The following TSHZ3 variants were observed in gnomAD, a reference collection of about 807,000 sequenced individuals.
TSHZ3 encodes teashirt homolog 3.
In TSHZ3, 10 loss-of-function variants were observed where a neutral mutation model predicts 64.5. The ratio of observed to expected loss-of-function variants is 0.16; its 90% CI spans 0.10 to 0.26. The LOEUF is 0.26. Among genes scored for constraint, TSHZ3 ranks in the 10% least tolerant of loss-of-function variants. TSHZ3 has a pLI of 1.00. For missense variants in TSHZ3, 1,242 were observed against 1,421.7 expected (o/e 0.87, Z 2.03); for synonymous variants, 608 against 593.1 (o/e 1.03, Z -0.36).
intron 1 of TSHZ3, among the ~76,000 whole-genome samples, chr19:31,342,923 C>G (rs570883262): frequency 6.6e-6 from 1 of 152,208 alleles, no homozygotes. Flanking sequence ...GGTTTGCCTT[C>G]GGATCTCACC....
chr19:31,262,923 T>G (rs1174435809), intron 1 of TSHZ3, among the ~76,000 whole-genome samples: 2 of 152,172 alleles, frequency 1.3e-5, no homozygotes, highest in Non-Finnish European at 2.9e-5. Flanking sequence ...GACGCAACAG[T>G]TGGGCTGCGG....
At chr19:31,218,591 C>T (rs897293949) in intron 4 of TSHZ3, among the ~76,000 whole-genome samples, 3 of 152,228 alleles carry the variant, frequency 2.0e-5, no homozygotes, top group African/African-American at 7.2e-5. Context: ...TACATAAAAA[C>T]TCCCACGTGG....
intron 5 of TSHZ3, among the ~76,000 whole-genome samples, chr19:31,158,391 G>C (rs961584880): frequency 6.6e-6 from 1 of 152,182 alleles, no homozygotes; most frequent in Non-Finnish European, 1.5e-5. Context: ...CTTCAAAGTA[G>C]GTGGCTTGAA....
chr19:31,251,856 C>T (rs1448960327), intron 1 of TSHZ3, among the ~76,000 whole-genome samples: 2 of 152,224 alleles, frequency 1.3e-5, no homozygotes, highest in African/African-American at 2.4e-5. Flanking sequence ...ACGCCAGCAT[C>T]CTACCCACTG....
intron 1 of TSHZ3, among the ~76,000 whole-genome samples, chr19:31,265,344 C>T (rs568380945): frequency 1.6e-5 from 2 of 128,992 alleles, no homozygotes; most frequent in Middle Eastern, 6.9e-3. Context: ...TTGCAGTGAG[C>T]CAAAGTTGCG....
At chr19:31,206,172 G>A (rs1325128703) in intron 4 of TSHZ3, among the ~76,000 whole-genome samples, 3 of 152,010 alleles carry the variant, frequency 2.0e-5, no homozygotes, top group Admixed American at 6.6e-5. Flanking sequence ...TGGATAGATC[G>A]ATGAGTGGAC....
intron 5 of TSHZ3, among the ~76,000 whole-genome samples, chr19:31,179,043 G>GATGATA (rs1974658452): frequency 6.6e-6 from 1 of 151,994 alleles, no homozygotes; most frequent in Admixed American, 6.6e-5. Context: ...TGATGATGAT[G>GATGATA]ATGATGAGCA....
intron 1 of TSHZ3, among the ~76,000 whole-genome samples, chr19:31,269,839 T>A (rs1976109635): frequency 6.6e-6 from 1 of 152,226 alleles, no homozygotes; most frequent in Non-Finnish European, 1.5e-5. Flanking sequence ...TGCCTGGGGC[T>A]TCAAAGGCCA....
intron 5 of TSHZ3, chr19:31,167,983 T>G (rs1405890137): frequency 6.6e-6 from 1 of 152,230 alleles, no homozygotes; most frequent in Non-Finnish European, 1.5e-5. Context: ...GGTGTGTTTC[T>G]AAAAGAGAGC....
At chr19:31,345,045 G>A (rs1025583332) in intron 1 of TSHZ3, among the ~76,000 whole-genome samples, 2 of 152,146 alleles carry the variant, frequency 1.3e-5, no homozygotes, top group African/African-American at 2.4e-5. Context: ...AGATAATGGG[G>A]GCACCGCAGC....
At chr19:31,280,264 AC>A (rs1458128702) in intron 1 of TSHZ3, among the ~76,000 whole-genome samples, 2 of 152,196 alleles carry the variant, frequency 1.3e-5, no homozygotes, top group African/African-American at 4.8e-5. Flanking sequence ...AAGTATAAAA[AC>A]ATCAATAAAA....
At position 31,334,051 on chromosome 19, in the gene TSHZ3, G is replaced by C. The variant is rs1307142264; in HGVS notation, c.40+15129C>G. ...ATTTGAACAGGGCTCATGTTGCACG[G>C]CTCTAAGAACCAAGAACATGCTGTT... On this transcript the variant is annotated intron_variant, in intron 1 of 1. Coordinates refer to ENST00000240587, the MANE Select transcript of TSHZ3 (RefSeq NM_020856.4). Among the ~76,000 whole-genome samples the C allele has an allele frequency of 5.3e-5, 8 of 152,120 alleles. 1 individual carries two copies. The South Asian group carries it at 1.5e-3, about 28-fold the overall frequency.
chr19:31,203,344 G>C (rs1444452984), intron 5 of TSHZ3, among the ~76,000 whole-genome samples: 3 of 151,990 alleles, frequency 2.0e-5, no homozygotes, highest in African/African-American at 7.3e-5. Context: ...CCAGAGAGGT[G>C]AGCTAGGCAG....
rs1221432258 is a variant in TSHZ3, at chr19:31,278,588, G to C, written c.1205C>G (p.Thr402Ser). The change falls in exon 2 of 2, where the codon ACT (threonine) becomes AGT (serine). Residue 402 changes from threonine (T) to serine (S), a missense_variant. By Grantham distance (58) the Thr-to-Ser change is moderately conservative. This residue lies in a region of TSHZ3 where 555 missense variants were observed against 704.0 expected (regional missense o/e 0.79). Transcript: ENST00000240587. The surrounding 1 kb of genome is among the most constrained non-coding windows in gnomAD (Gnocchi z 4.7). Reference protein sequence around the residue: ...GSSHDTLQELTAHMMVTGHFI... With the variant: ...GSSHDTLQELSAHMMVTGHFI... ...GTGGCCAGTGACCATCATGTGGGCA[G>C]TGAGCTCCTGCAGGGTGTCATGCGA... The C allele has an allele frequency of 9.9e-6, 16 of 1,614,096 alleles. No homozygotes were observed. The highest frequency in any genetic ancestry group is 2.2e-5 in the East Asian group (1 of 44,884).
chr19:31,269,977 C>T (rs1976112886), downstream of TSHZ3, among the ~76,000 whole-genome samples: 4 of 152,182 alleles, frequency 2.6e-5, no homozygotes. Flanking sequence ...CAAAGAACAG[C>T]ACAGGGACCG....
intron 6 of TSHZ3, among the ~76,000 whole-genome samples, chr19:31,151,909 G>T (rs1426450967): frequency 1.3e-5 from 2 of 152,144 alleles, no homozygotes; most frequent in African/African-American, 4.8e-5. Context: ...AACAATGGAT[G>T]ATAATTTAAA....
chr19:31,276,458 G>A lies in TSHZ3; in HGVS notation c.*89C>T, dbSNP rs772955062. ...CTCTGCAGTTAAAATAAGAACATGT[G>A]CCAAGAACAACAAGTCAGAGGGGGC... On this transcript the variant is annotated 3_prime_UTR_variant, in exon 2 of 2. Transcript: ENST00000240587. The A allele has an allele frequency of 1.5e-5, 19 of 1,256,140 alleles. No individual in the cohort carries two copies. The highest frequency in any genetic ancestry group is 2.3e-5 in the Admixed American group (1 of 42,740). The allele number at this position is 1,256,140 out of a possible 1,614,324, so 77.8% of individuals were successfully genotyped here. A position where few individuals can be genotyped will look rare whatever the true frequency, so the allele number is the denominator to read the frequency against.
intron 4 of TSHZ3, among the ~76,000 whole-genome samples, chr19:31,223,378 G>A (rs930777282): frequency 2.3e-4 from 35 of 150,790 alleles, no homozygotes; most frequent in African/African-American, 8.7e-4. Context: ...GTGTGTGTGT[G>A]TGTGTGTGTG....
chr19:31,330,414 T>G (rs1303986430), intron 1 of TSHZ3, among the ~76,000 whole-genome samples: 1 of 152,182 alleles, frequency 6.6e-6, no homozygotes, highest in African/African-American at 2.4e-5. Context: ...GGCCGTACCT[T>G]GAGGACTGGC....
Sources: allele counts gnomAD v4.1 joint callset (sites outside exome capture counted in the v4.1 genomes callset), GRCh38; gene constraint gnomAD v4.1.1; regional missense constraint gnomAD v4.1.1; non-coding constraint Gnocchi (gnomAD v3.1); transcripts MANE v1.5; gene names NCBI Gene and HGNC (gene_info 2026-07-23, HGNC 2026-07-21).